Variants in MIA2 observed in about 807,000 individuals in gnomAD.
MIA2 encodes the protein melanoma inhibitory activity protein 2.
In MIA2, 127 loss-of-function variants were observed where a neutral mutation model predicts 167.8. The ratio of observed to expected loss-of-function variants is 0.76; its 90% CI spans 0.66 to 0.88. The LOEUF (loss-of-function observed/expected upper bound fraction) is 0.88. MIA2 is among the 40% of genes least tolerant of loss of function. The pLI is 0.00. For missense variants in MIA2, 1,690 were observed against 1,624.7 expected (o/e 1.04, Z -0.69); for synonymous variants, 552 against 541.9 (o/e 1.02, Z -0.26).
Position 39,293,334 on chromosome 14 carries a change from A to G in MIA2, c.2272A>G (p.Lys758Glu). Residue 758 changes from lysine (K) to glutamate (E), a missense_variant, in exon 11 of 29, where the codon AAA (lysine) becomes GAA (glutamate). Physicochemically the swap from Lys to Glu is moderately conservative, Grantham distance 56. Coordinates refer to ENST00000640607, the MANE Select transcript of MIA2 (RefSeq NM_001329214.4). ...ELEDEILCLE[K>E]ELKEEKSKHS... ...TGAGGATGAAATACTCTGTCTAGAA[A>G]AAGAGTTAAAAGAAGAGAAATCCAA... 1 of 1,611,372 alleles carries G rather than the reference A, an allele frequency of 6.2e-7. No homozygotes were observed. The highest frequency in any genetic ancestry group is 8.5e-7 in the Non-Finnish European group (1 of 1,178,214).
At position 39,361,404 on chromosome 14, in the gene MIA2, G is replaced by C. The variant is rs193051404; in HGVS notation, c.2248+12427G>C. 2.0e-3 allele frequency among the ~76,000 whole-genome samples: 293 copies of C among 148,716 alleles called. 2 individuals are homozygous for C. The highest frequency in any genetic ancestry group is 7.0e-3 in the African/African-American group (285 of 40,850). ...TTGGTGTTTTACTGTTTTCTTTGTGGCTATTGCTCTGACTAGGACTTTTAG... is the reference window on the plus strand; with the variant it reads ...TTGGTGTTTTACTGTTTTCTTTGTGCCTATTGCTCTGACTAGGACTTTTAG... On this transcript the variant is annotated intron_variant, in intron 23 of 23. Coordinates refer to the MIA2 transcript ENST00000341502.
chr14:39,378,742 T>C (rs1291042925), intron 23 of MIA2, among the ~76,000 whole-genome samples: 4 of 152,238 alleles, frequency 2.6e-5, no homozygotes, highest in Non-Finnish European at 5.9e-5. Context: ...AATTTCATAT[T>C]TGACAATACT....
intron 1 of MIA2, among the ~76,000 whole-genome samples, chr14:39,234,910 A>G (rs1028378556): frequency 6.6e-5 from 10 of 152,144 alleles, no homozygotes; most frequent in Admixed American, 1.3e-4. Context: ...TGCAAAATAA[A>G]TTACATCCCA....
chr14:39,248,117 T>G lies in MIA2; in HGVS notation c.1543T>G (p.Phe515Val). The G allele has an allele frequency of 6.6e-7, 1 of 1,504,580 alleles. No individual in the cohort carries two copies. The highest frequency in any genetic ancestry group is 1.8e-4 in the Middle Eastern group (1 of 5,636). The allele number at this position is 1,504,580 out of a possible 1,614,324, so 93.2% of individuals were successfully genotyped here. The change falls in exon 4 of 29, where the codon TTC (phenylalanine) becomes GTC (valine). Residue 515 changes from phenylalanine (F) to valine (V), a missense_variant. By Grantham distance (50) the Phe-to-Val change is conservative (BLOSUM62 -1). Transcript: ENST00000640607. ...CACAGATAATACAAAAGTTATGATA[T>G]TCAAAAGTTCATACAGTCTGTCAGG... ...YPTDNTKVMI[F>V]KSSYSLSDMV... is the part of the protein sequence containing the mutation.
intron 25 of MIA2, among the ~76,000 whole-genome samples, chr14:39,338,549 G>A (rs1372597891): frequency 1.3e-5 from 2 of 152,014 alleles, no homozygotes; most frequent in Admixed American, 6.6e-5. Context: ...CAGAAAAAAT[G>A]TTCTTGAATA....
rs141791070 is a variant in MIA2 at position 39,263,867 on chromosome 14, C to T, written c.1887+10696C>T. 4.3e-3 allele frequency among the ~76,000 whole-genome samples: 662 copies of T among 152,204 alleles called. 4 individuals carry two copies. The highest frequency in any genetic ancestry group is 0.017 in the Middle Eastern group (5 of 294). On this transcript the variant is annotated intron_variant, in intron 6 of 28. Transcript: ENST00000640607. ...CAGGCTGGTCTCGAACTCCTGACCT[C>T]GAGTGATTCGCCCGCCTTGGCCTCC... is the stretch of plus-strand genomic sequence containing the variant.
intron 6 of MIA2, 137 bp from the exon 7 acceptor site, chr14:39,276,797 A>T: frequency 1.2e-6 from 1 of 849,800 alleles, no homozygotes; most frequent in East Asian, 2.7e-5. Context: ...TGACAAAAAA[A>T]TGTACTCTGA....
At chr14:39,258,561 C>T (rs1382842512) in intron 6 of MIA2, among the ~76,000 whole-genome samples, 1 of 152,144 alleles carries the variant, frequency 6.6e-6, no homozygotes, top group Admixed American at 6.5e-5. Context: ...TTTGTTATTA[C>T]CCACCTTCTG....
intron 6 of MIA2, chr14:39,266,617 A>ACC (rs1483378593): frequency 6.1e-6 from 6 of 985,364 alleles, no homozygotes; most frequent in Non-Finnish European, 7.2e-6. Flanking sequence ...CTTCCTGTCT[A>ACC]AAGTCCAAAG....
intron 20 of MIA2, chr14:39,315,317 AAT>A: frequency 6.0e-6 from 1 of 167,058 alleles, no homozygotes. Flanking sequence ...AAAAAAAAAA[AAT>A]AAAATAAATA....
chr14:39,386,396 C>T (rs972394688), intron 23 of MIA2: 75 of 1,553,578 alleles, frequency 4.8e-5, no homozygotes, highest in African/African-American at 3.5e-4. Context: ...GCTTACACTA[C>T]GTTTCCTTTT....
chr14:39,292,595 C>T (rs1172102827), intron 10 of MIA2: 3 of 210,706 alleles, frequency 1.4e-5, no homozygotes, highest in Non-Finnish European at 2.9e-5. Flanking sequence ...TTTTAAATCA[C>T]TGTAATGTAG....
intron 7 of MIA2, among the ~76,000 whole-genome samples, chr14:39,277,711 T>G (rs1405337954): frequency 1.3e-3 from 7 of 5,406 alleles, no homozygotes; most frequent in African/African-American, 5.8e-3. Flanking sequence ...TATATATATA[T>G]ATATGTGTGT....
Position 39,253,021 on chromosome 14 carries a change from C to T in MIA2, c.1787-50C>T, listed in dbSNP as rs1031872015. On this transcript the variant is annotated intron_variant, in intron 5 of 28. Coordinates refer to ENST00000640607, the MANE Select transcript of MIA2 (RefSeq NM_001329214.4). ...CATCAATTAAGGAAGAAATTAGAAT[C>T]AGAAGTTATATAATATCATGCTAAC... The T allele has an allele frequency of 9.6e-6, 15 of 1,556,650 alleles. 1 individual carries two copies. The South Asian group carries it at 1.8e-4, about 18-fold the overall frequency.
rs1566684843 is a variant in MIA2, at chr14:39,277,732, ATATATATATATGTGTG to A, written c.2019+679_2019+694del. On this transcript the variant is annotated intron_variant, in intron 7 of 28. Transcript: ENST00000640607. The stretch of plus-strand genomic sequence containing the variant: ...TATATATATGTGTGTATATATATAT[ATATATATATATGTGTG>A]TATATATATATATATATATATATAT... 2.1e-3 allele frequency among the ~76,000 whole-genome samples: 9 copies of A among 4,230 alleles called. 3 individuals carry two copies. The highest frequency in any genetic ancestry group is 3.0e-3 in the African/African-American group (2 of 674). 2.8% of individuals were successfully genotyped at this position (4,230 alleles called of 152,430 possible). A position where few individuals can be genotyped will look rare whatever the true frequency, so the allele number is the denominator to read the frequency against.
At chr14:39,288,464 T>TTTTTTG (rs1566748196) in intron 9 of MIA2, among the ~76,000 whole-genome samples, 3 of 30,402 alleles carry the variant, frequency 9.9e-5, no homozygotes, top group African/African-American at 1.4e-4. Context: ...TATATATATA[T>TTTTTTG]ATATATATAT....
chr14:39,307,708 A>C (rs374916211), intron 17 of MIA2, among the ~76,000 whole-genome samples: 1 of 151,952 alleles, frequency 6.6e-6, no homozygotes, highest in Non-Finnish European at 1.5e-5. Flanking sequence ...GCCAAAATTA[A>C]AACAATTTAT....
downstream of MIA2, among the ~76,000 whole-genome samples, chr14:39,354,875 G>A (rs1414387344): frequency 1.3e-5 from 2 of 152,034 alleles, no homozygotes; most frequent in Non-Finnish European, 2.9e-5. Flanking sequence ...AGTTGTTGAT[G>A]TGTGGCATTA....
chr14:39,347,914 G>A lies in MIA2; in HGVS notation c.3837+143G>A, dbSNP rs766884057. 491 of 707,386 alleles carry A rather than the reference G, an allele frequency of 6.9e-4. 1 individual carries two copies. Among genetic ancestry groups the A allele is most frequent in the Middle Eastern group, 2.6e-3 (6 of 2,296 alleles). The allele number at this position is 707,386 out of a possible 1,614,324, so 43.8% of individuals were successfully genotyped here. A position where few individuals can be genotyped will look rare whatever the true frequency, so the allele number is the denominator to read the frequency against. On this transcript the variant is annotated intron_variant, in intron 27 of 28. Coordinates refer to ENST00000640607, the MANE Select transcript of MIA2 (RefSeq NM_001329214.4). ...TCGGCTCACTGCAACCTGGGTTCAA[G>A]CAATTCTCCTGCCTCAGCCTCCTGA...
Sources: gnomAD v4.1 joint callset for allele counts (sites outside exome capture counted in the v4.1 genomes callset) on GRCh38, gnomAD v4.1.1 for gene constraint, MANE v1.5 for transcripts, NCBI Gene and HGNC (gene_info 2026-07-23, HGNC 2026-07-21) for gene names.